KDELR2: variants seen among roughly 807,000 people sequenced by gnomAD.
The protein encoded by KDELR2 is ER lumen protein-retaining receptor 2.
Under a neutral mutation model 23.9 loss-of-function variants are expected in KDELR2, and 15 were observed. The observed-to-expected ratio is 0.63, with a 90% CI of 0.42 to 0.97. The LOEUF (loss-of-function observed/expected upper bound fraction) is 0.97. Among genes scored for constraint, KDELR2 ranks in the 50% least tolerant of loss-of-function variants. KDELR2 has a pLI of 0.00. For missense variants in KDELR2, 272 were observed against 254.6 expected, an observed-to-expected ratio of 1.07 and a Z score of -0.46; for synonymous variants, 119 against 106.2, an observed-to-expected ratio of 1.12 and a Z score of -0.74.
At chr7:6,474,325 C>T (rs1319966866) in intron 1 of KDELR2, 41 bp from the exon 2 acceptor site, 1 of 1,375,628 alleles carries the variant, frequency 7.3e-7, no homozygotes, top group South Asian at 1.2e-5. Context: ...GCCTGAAGAG[C>T]TTTGGGATTC....
intron 1 of KDELR2, among the ~76,000 whole-genome samples, chr7:6,476,497 T>C (rs1315377381): frequency 6.6e-6 from 1 of 152,224 alleles, no homozygotes; most frequent in Non-Finnish European, 1.5e-5. Flanking sequence ...TTCCAGCTTA[T>C]TTCCTATATG....
chr7:6,465,299 T>A (rs1252211880), intron 4 of KDELR2, among the ~76,000 whole-genome samples: 3 of 151,186 alleles, frequency 2.0e-5, no homozygotes, highest in Non-Finnish European at 2.9e-5. Flanking sequence ...TTCTCCTGCC[T>A]CAGCCTCCCG....
At chr7:6,478,057 A>G (rs1785792425) in intron 1 of KDELR2, among the ~76,000 whole-genome samples, 3 of 152,222 alleles carry the variant, frequency 2.0e-5, no homozygotes, top group Admixed American at 2.0e-4. Context: ...CAATTTACGT[A>G]TCTACTAACA....
At chr7:6,472,437 C>G (rs1785668492) in intron 2 of KDELR2, among the ~76,000 whole-genome samples, 1 of 152,172 alleles carries the variant, frequency 6.6e-6, no homozygotes, top group Non-Finnish European at 1.5e-5. Context: ...GAAACTACAA[C>G]CAAGCAAGCA....
chr7:6,481,568 G>C (rs1341861118), intron 1 of KDELR2, among the ~76,000 whole-genome samples: 1 of 151,788 alleles, frequency 6.6e-6, no homozygotes, highest in African/African-American at 2.4e-5. Context: ...AAGATTAAAA[G>C]TAACATCGCC....
At position 6,462,509 on chromosome 7, in the gene KDELR2, T is replaced by C. The variant is rs902769782; in HGVS notation, c.*632A>G. The C allele has an allele frequency of 6.3e-6, 1 of 159,812 alleles. No homozygotes were observed. The highest frequency in any genetic ancestry group is 1.4e-5 in the Non-Finnish European group (1 of 73,328). 9.9% of individuals were successfully genotyped at this position (159,812 alleles called of 1,614,324 possible). Reference sequence around the variant, plus strand: ...ACTCTTCAGTGAGACTCCATCGACATTCAGAATCTTAAAATGTTGGTAATG... The same window carrying C: ...ACTCTTCAGTGAGACTCCATCGACACTCAGAATCTTAAAATGTTGGTAATG... On this transcript the variant is annotated 3_prime_UTR_variant, in exon 5 of 5. Coordinates refer to ENST00000258739, the MANE Select transcript of KDELR2 (RefSeq NM_006854.4).
chr7:6,464,197 C>CAAAAAAAAAAAAAAAAA (rs758537707), intron 4 of KDELR2, among the ~76,000 whole-genome samples: 2 of 38,732 alleles, frequency 5.2e-5, no homozygotes, highest in Non-Finnish European at 7.9e-5. Flanking sequence ...AACTCTGTCT[C>CAAAAAAAAAAAAAAAAA]AAAAAAAAAA....
In KDELR2 at chr7:6,461,891, T is replaced by C. The variant is rs1157618615; in HGVS notation, c.*1250A>G. The C allele has an allele frequency of 6.6e-6, 1 of 152,096 alleles. No homozygotes were observed. Among genetic ancestry groups the C allele is most frequent in the Non-Finnish European group, 1.5e-5 (1 of 68,032 alleles). The allele number at this position is 152,096 out of a possible 1,614,324, so 9.4% of individuals were successfully genotyped here. On this transcript the variant is annotated 3_prime_UTR_variant, in exon 5 of 5. Transcript: ENST00000258739. ...AAAAAATTCTAGTATTTCCACAAAA[T>C]ACATAATGTCTTACAGATGATTATG...
In KDELR2 at chr7:6,461,896, A is replaced by T. The variant is rs1410696179; in HGVS notation, c.*1245T>A. 2 of 152,194 alleles carry T rather than the reference A, an allele frequency of 1.3e-5. No homozygotes were observed. Among genetic ancestry groups the T allele is most frequent in the Non-Finnish European group, 2.9e-5 (2 of 68,046 alleles). The allele number at this position is 152,194 out of a possible 1,614,324, so 9.4% of individuals were successfully genotyped here. A position where few individuals can be genotyped will look rare whatever the true frequency, so the allele number is the denominator to read the frequency against. ...ATTCTAGTATTTCCACAAAATACAT[A>T]ATGTCTTACAGATGATTATGTGAAC... On this transcript the variant is annotated 3_prime_UTR_variant, in exon 5 of 5. Coordinates refer to ENST00000258739, the MANE Select transcript of KDELR2 (RefSeq NM_006854.4).
chr7:6,471,175 G>GTTTTT (rs1562500241), intron 2 of KDELR2, among the ~76,000 whole-genome samples: 4 of 117,192 alleles, frequency 3.4e-5, no homozygotes, highest in African/African-American at 1.2e-4. Context: ...CATTTGTTTC[G>GTTTTT]GTTTTTTTTT....
At chr7:6,473,260 T>A (rs1785690941) in intron 2 of KDELR2, among the ~76,000 whole-genome samples, 1 of 151,972 alleles carries the variant, frequency 6.6e-6, no homozygotes. Flanking sequence ...ACTCTTATAC[T>A]TTTCCTTTGT....
chr7:6,464,597 C>G (rs1408546099), intron 4 of KDELR2, among the ~76,000 whole-genome samples: 1 of 152,110 alleles, frequency 6.6e-6, no homozygotes, highest in Non-Finnish European at 1.5e-5. Context: ...GAGGCTGAGA[C>G]AGCAGACTCG....
chr7:6,469,212 A>G (rs1402227585), intron 3 of KDELR2, among the ~76,000 whole-genome samples: 2 of 151,992 alleles, frequency 1.3e-5, no homozygotes, highest in Non-Finnish European at 2.9e-5. Context: ...TTGGCCTCCC[A>G]AAGTGCTGGA....
chr7:6,473,005 T>C (rs937407011), intron 2 of KDELR2, among the ~76,000 whole-genome samples: 1 of 148,066 alleles, frequency 6.8e-6, no homozygotes, highest in African/African-American at 2.5e-5. Context: ...CCTCCAGGGC[T>C]CAAGCGATCC....
intron 2 of KDELR2, 71 bp downstream of exon 2, chr7:6,474,113 T>TGACATAAATTAAGTGTCCATA: frequency 1.1e-6 from 1 of 892,752 alleles, no homozygotes. Flanking sequence ...AATACACAGC[T>TGACATAAATTAAGTGTCCATA]GACATAAATT....
intron 2 of KDELR2, among the ~76,000 whole-genome samples, chr7:6,472,131 G>A (rs1337067137): frequency 6.6e-6 from 1 of 152,150 alleles, no homozygotes; most frequent in African/African-American, 2.4e-5. Flanking sequence ...CACCATGTAT[G>A]TGAATAAATA....
chr7:6,466,084 C>A lies in KDELR2; in HGVS notation c.591G>T (p.Leu197Phe). ...CACCCAACATACCTTTTGTAATGTA[C>A]AAGTAGAAGAAGTCACAGTATAGGA... Reference protein sequence around the residue: ...QTILYCDFFYLYITKVLKGKK... With the variant: ...QTILYCDFFYFYITKVLKGKK... The change falls in exon 4 of 5, where the codon TTG becomes TTT. Residue 197 changes from leucine (L) to phenylalanine (F), a missense_variant. Physicochemically the swap from Leu to Phe is conservative, Grantham distance 22. Coordinates refer to ENST00000258739, the MANE Select transcript of KDELR2 (RefSeq NM_006854.4). 6.2e-7 allele frequency: 1 copy of A among 1,614,008 alleles called. No homozygotes were observed.
chr7:6,483,609 C>T (rs563269738), intron 1 of KDELR2, among the ~76,000 whole-genome samples: 2 of 152,330 alleles, frequency 1.3e-5, no homozygotes, highest in South Asian at 4.1e-4. Context: ...ACGGGAGATC[C>T]CGGCCGGAGA....
At position 6,462,083 on chromosome 7, in the gene KDELR2, A is replaced by T. The variant is rs915804873; in HGVS notation, c.*1058T>A. The T allele has an allele frequency of 1.3e-5, 2 of 152,180 alleles. No individual in the cohort carries two copies. The highest frequency in any genetic ancestry group is 4.8e-5 in the African/African-American group (2 of 41,434). The allele number at this position is 152,180 out of a possible 1,614,324, so 9.4% of individuals were successfully genotyped here. On this transcript the variant is annotated 3_prime_UTR_variant, in exon 5 of 5. Coordinates refer to ENST00000258739, the MANE Select transcript of KDELR2 (RefSeq NM_006854.4). Reference sequence around the variant, plus strand: ...ACATAAGTCATGCAACAGCTCTGTAAAACAAAACAAAACAAGAAACTACGA... The same window carrying T: ...ACATAAGTCATGCAACAGCTCTGTATAACAAAACAAAACAAGAAACTACGA...
Sources: allele counts gnomAD v4.1 joint callset (sites outside exome capture counted in the v4.1 genomes callset), GRCh38; gene constraint gnomAD v4.1.1; transcripts MANE v1.5; gene names NCBI Gene and HGNC (gene_info 2026-07-23, HGNC 2026-07-21).